Variants in SWT1 observed in about 807,000 individuals in gnomAD.
SWT1 encodes SWT1 RNA endoribonuclease homolog, also known as transcriptional protein SWT1.
Under a neutral mutation model 107.3 loss-of-function variants are expected in SWT1, and 33 were observed. The ratio of observed to expected loss-of-function variants is 0.31; its 90% CI spans 0.23 to 0.41. The LOEUF (loss-of-function observed/expected upper bound fraction) is 0.41, where lower values mean the gene tolerates loss of function less well. Ranked by LOEUF, SWT1 falls within the 10% of genes least tolerant of loss-of-function variation. The pLI, the probability that SWT1 is intolerant of heterozygous loss-of-function variation, is 1.00. For synonymous variants in SWT1, 345 were observed against 348.3 expected (o/e 0.99, Z 0.11); for missense variants, 898 against 1,028.9 (o/e 0.87, Z 1.74).
intron 10 of SWT1, among the ~76,000 whole-genome samples, chr1:185,201,539 G>C (rs115232135): frequency 1.3e-5 from 2 of 152,176 alleles, no homozygotes; most frequent in South Asian, 4.1e-4. Context: ...CTGGGTGGGT[G>C]GATGCCCCAC....
At chr1:185,196,864 A>G (rs1456166322) in intron 10 of SWT1, among the ~76,000 whole-genome samples, 4 of 150,370 alleles carry the variant, frequency 2.7e-5, no homozygotes, top group African/African-American at 9.7e-5. Context: ...AAATATTTAT[A>G]TATTTAGAAA....
chr1:185,285,617 G>A (rs1664902125), intron 18 of SWT1, among the ~76,000 whole-genome samples: 2 of 152,088 alleles, frequency 1.3e-5, no homozygotes, highest in Non-Finnish European at 2.9e-5. Flanking sequence ...CAAACCTAAG[G>A]TTATGAAGAT....
In SWT1 at chr1:185,174,813, G is replaced by C. The variant is rs1171003620; in HGVS notation, c.666G>C (p.Lys222Asn). The C allele has an allele frequency of 6.2e-7, 1 of 1,613,010 alleles. No individual in the cohort carries two copies. Among genetic ancestry groups the C allele is most frequent in the Non-Finnish European group, 8.5e-7 (1 of 1,179,764 alleles). ...ATTATAACTCCAACAAGATAATTAAGGAACCCTTGGGATCTAGAAGACAGA... is the reference window on the plus strand; with the variant it reads ...ATTATAACTCCAACAAGATAATTAACGAACCCTTGGGATCTAGAAGACAGA... ...SQDYNSNKII[K>N]EPLGSRRQKI... Residue 222 changes from lysine (K) to asparagine (N), a missense_variant, in exon 5 of 19, where the codon AAG becomes AAC. This residue lies in a region of SWT1 where 382 missense variants were observed against 362.4 expected (regional missense o/e 1.05). Coordinates refer to ENST00000367500, the MANE Select transcript of SWT1 (RefSeq NM_017673.7).
intron 7 of SWT1, 53 bp from the exon 8 acceptor site, chr1:185,184,190 C>A: frequency 2.3e-6 from 2 of 883,964 alleles, no homozygotes; most frequent in South Asian, 1.7e-5. Flanking sequence ...AAATTTTAGT[C>A]ATTATATAAG....
chr1:185,200,161 A>C (rs1165213267), intron 10 of SWT1, among the ~76,000 whole-genome samples: 1 of 151,868 alleles, frequency 6.6e-6, no homozygotes, highest in African/African-American at 2.4e-5. Context: ...TGTTTTTTCA[A>C]GGTTCTTAGC....
At chr1:185,268,876 G>A (rs1303751337) in intron 16 of SWT1, among the ~76,000 whole-genome samples, 6 of 138,726 alleles carry the variant, frequency 4.3e-5, no homozygotes, top group African/African-American at 1.1e-4. Flanking sequence ...TTTTTGAGAC[G>A]GAGTGTCGCT....
intron 4 of SWT1, 116 bp downstream of exon 4, chr1:185,168,514 CT>C (rs1309562949): frequency 4.6e-6 from 2 of 437,136 alleles, no homozygotes; most frequent in African/African-American, 4.3e-5. Flanking sequence ...GCAAATATCT[CT>C]AGCTATATAA....
intron 7 of SWT1, among the ~76,000 whole-genome samples, chr1:185,182,668 CAAAAAAAAAAAA>C (rs59326029): frequency 1.5e-5 from 1 of 67,024 alleles, no homozygotes; most frequent in African/African-American, 5.6e-5. Context: ...CTCTCTCTCT[CAAAAAAAAAAAA>C]AAAAAAAAAA....
intron 10 of SWT1, among the ~76,000 whole-genome samples, chr1:185,191,469 G>GT (rs2102410204): frequency 6.6e-6 from 1 of 152,096 alleles, no homozygotes; most frequent in African/African-American, 2.4e-5. Flanking sequence ...AGTTTTTATA[G>GT]TTTCATGATC....
chr1:185,218,665 C>G (rs1407001353), intron 14 of SWT1, among the ~76,000 whole-genome samples: 1 of 152,098 alleles, frequency 6.6e-6, no homozygotes, highest in Admixed American at 6.5e-5. Flanking sequence ...CGTACACTTT[C>G]GTTTTATGGG....
intron 18 of SWT1, among the ~76,000 whole-genome samples, chr1:185,282,196 C>T (rs1441924998): frequency 1.3e-5 from 2 of 152,164 alleles, no homozygotes; most frequent in Non-Finnish European, 2.9e-5. Context: ...AATTGCTGAA[C>T]AGAGTGCATG....
intron 10 of SWT1, among the ~76,000 whole-genome samples, chr1:185,190,954 A>T (rs566261599): frequency 1.9e-4 from 29 of 152,188 alleles, no homozygotes; most frequent in Non-Finnish European, 3.5e-4. Context: ...GAGACAAGAA[A>T]TTTATTTACT....
intron 10 of SWT1, among the ~76,000 whole-genome samples, chr1:185,199,019 C>A (rs993531803): frequency 6.6e-6 from 1 of 151,444 alleles, no homozygotes; most frequent in Non-Finnish European, 1.5e-5. Context: ...CTCACTGCAG[C>A]CTCCACATCC....
rs1236724396 is a variant in SWT1 at position 185,290,986 on chromosome 1, G to A, written c.*183G>A. 2 of 387,570 alleles carry A rather than the reference G, an allele frequency of 5.2e-6. No individual in the cohort carries two copies. The highest frequency in any genetic ancestry group is 8.8e-5 in the East Asian group (2 of 22,618). The allele number at this position is 387,570 out of a possible 1,614,324, so 24.0% of individuals were successfully genotyped here. ...CTCTAAAAAGCCTAATGTATCCACT[G>A]TGGAATAAACTCCATAGACTCAACT... On this transcript the variant is annotated 3_prime_UTR_variant, in exon 19 of 19. Transcript: ENST00000367500.
At chr1:185,208,084 C>T (rs977607813) in intron 13 of SWT1, among the ~76,000 whole-genome samples, 4 of 151,864 alleles carry the variant, frequency 2.6e-5, no homozygotes, top group South Asian at 2.1e-4. Context: ...ACAAGAGGGC[C>T]GTTAAATAAT....
At chr1:185,237,840 T>C (rs1190733401) in intron 16 of SWT1, among the ~76,000 whole-genome samples, 1 of 152,196 alleles carries the variant, frequency 6.6e-6, no homozygotes, top group Non-Finnish European at 1.5e-5. Context: ...AGATTTAGCA[T>C]GTATTGCTTA....
intron 4 of SWT1, among the ~76,000 whole-genome samples, chr1:185,169,085 CAGTT>C (rs1471370071): frequency 4.6e-5 from 7 of 152,258 alleles, no homozygotes; most frequent in Admixed American, 6.5e-5. Flanking sequence ...CAAACAATCT[CAGTT>C]AGTGTTTGCT....
chr1:185,289,930 T>G (rs1665153404), intron 18 of SWT1, among the ~76,000 whole-genome samples: 1 of 152,198 alleles, frequency 6.6e-6, no homozygotes, highest in African/African-American at 2.4e-5. Context: ...ACATGGTGAC[T>G]TTAGTTAATG....
At chr1:185,216,266 G>A (rs780393784) in intron 14 of SWT1, among the ~76,000 whole-genome samples, 11 of 152,072 alleles carry the variant, frequency 7.2e-5, no homozygotes, top group African/African-American at 1.4e-4. Flanking sequence ...AATGGCAAGC[G>A]TGATTTTTAG....
Sources: gnomAD v4.1 joint callset for allele counts (sites outside exome capture counted in the v4.1 genomes callset) on GRCh38, gnomAD v4.1.1 for gene constraint, gnomAD v4.1.1 regional missense constraint, MANE v1.5 for transcripts, NCBI Gene and HGNC (gene_info 2026-07-23, HGNC 2026-07-21) for gene names.